Variants in LRRC36 observed in about 807,000 individuals in gnomAD.
LRRC36 encodes leucine rich repeat containing 36, also known as leucine-rich repeat-containing protein 36.
In LRRC36, 62 loss-of-function variants were observed where a neutral mutation model predicts 81.1. The ratio of observed to expected loss-of-function variants is 0.76; its 90% CI spans 0.62 to 0.94. The LOEUF is 0.94. LRRC36 is among the 40% of genes least tolerant of loss of function. LRRC36 has a pLI of 0.00. For synonymous variants in LRRC36, 334 were observed against 348.6 expected, an observed-to-expected ratio of 0.96 and a Z score of 0.47; for missense variants, 761 against 881.7, an observed-to-expected ratio of 0.86 and a Z score of 1.73.
intron 8 of LRRC36, among the ~76,000 whole-genome samples, chr16:67,369,535 G>A (rs1166192096): frequency 2.0e-5 from 3 of 152,180 alleles, no homozygotes; most frequent in Non-Finnish European, 4.4e-5. Context: ...TGGAAGCAAG[G>A]CAGTAAAGTT....
intron 8 of LRRC36, among the ~76,000 whole-genome samples, chr16:67,369,306 AAAGCC>A (rs1671602733): frequency 1.3e-5 from 2 of 152,208 alleles, no homozygotes; most frequent in South Asian, 4.1e-4. Context: ...TAGAGGGGAA[AAAGCC>A]AAGAGGAAGT....
At chr16:67,332,425 G>A (rs1211573079) in intron 1 of LRRC36, among the ~76,000 whole-genome samples, 4 of 151,894 alleles carry the variant, frequency 2.6e-5, no homozygotes, top group Non-Finnish European at 5.9e-5. Context: ...ATGGTGGTGG[G>A]CGCCTGTAGT....
rs1477423527 is a variant in LRRC36, at chr16:67,368,020, C to G, written c.1195+563C>G. Among the ~76,000 whole-genome samples the G allele has an allele frequency of 2.6e-5, 4 of 152,182 alleles. No homozygotes were observed. In the South Asian group the frequency reaches 6.2e-4, roughly 24 times the overall value. On this transcript the variant is annotated intron_variant, in intron 8 of 13. Coordinates refer to ENST00000329956, the MANE Select transcript of LRRC36 (RefSeq NM_018296.6). The stretch of plus-strand genomic sequence containing the variant: ...GTTGCAGTAAGCCAAGATCGGGCCA[C>G]TGCACTCCATGGGCAACAGAGCAAG...
chr16:67,344,645 C>A (rs1389411832), intron 2 of LRRC36, among the ~76,000 whole-genome samples: 4 of 152,090 alleles, frequency 2.6e-5, no homozygotes, highest in African/African-American at 7.2e-5. Flanking sequence ...CCATGAAAGA[C>A]AGTCCTAATG....
chr16:67,351,401 T>C (rs908797157), intron 5 of LRRC36, among the ~76,000 whole-genome samples: 1 of 152,074 alleles, frequency 6.6e-6, no homozygotes, highest in African/African-American at 2.4e-5. Flanking sequence ...ATTTTTAGAG[T>C]ATTTTGTGAT....
intron 2 of LRRC36, among the ~76,000 whole-genome samples, chr16:67,342,559 G>A (rs1480277354): frequency 6.6e-6 from 1 of 152,146 alleles, no homozygotes; most frequent in East Asian, 1.9e-4. Context: ...GTGGTCTTGG[G>A]AAAATTTAAG....
At chr16:67,350,527 A>G (rs943985820) in intron 5 of LRRC36, among the ~76,000 whole-genome samples, 1 of 152,180 alleles carries the variant, frequency 6.6e-6, no homozygotes, top group Non-Finnish European at 1.5e-5. Context: ...TTTCATTTAC[A>G]TCACTTTACA....
intron 8 of LRRC36, 76 bp downstream of exon 8, chr16:67,367,533 T>C: frequency 7.6e-7 from 1 of 1,322,532 alleles, no homozygotes; most frequent in Non-Finnish European, 1.0e-6. Context: ...ATTTTGGAAT[T>C]AACCCTTCTG....
chr16:67,361,044 C>G (rs951013309), intron 5 of LRRC36, among the ~76,000 whole-genome samples: 12 of 152,152 alleles, frequency 7.9e-5, no homozygotes, highest in Non-Finnish European at 1.6e-4. Flanking sequence ...TAGAATCGTT[C>G]TCTCTTTCTT....
At chr16:67,345,470 C>T (rs923241978) in intron 2 of LRRC36, among the ~76,000 whole-genome samples, 3 of 152,122 alleles carry the variant, frequency 2.0e-5, no homozygotes, top group Admixed American at 6.6e-5. Context: ...TGTGGCTTTT[C>T]CTCTTGAGTT....
intron 1 of LRRC36, among the ~76,000 whole-genome samples, chr16:67,336,072 A>G (rs1401141410): frequency 6.6e-6 from 1 of 152,180 alleles, no homozygotes; most frequent in African/African-American, 2.4e-5. Context: ...TCAGAATGTC[A>G]TATAGTTGGA....
chr16:67,337,487 A>G (rs1040279081), intron 1 of LRRC36, among the ~76,000 whole-genome samples: 1 of 150,606 alleles, frequency 6.6e-6, no homozygotes, highest in African/African-American at 2.4e-5. Context: ...CCTTCTGAGT[A>G]GCTGGGATTA....
chr16:67,384,874 C>G lies in LRRC36; in HGVS notation c.2050C>G (p.Leu684Val). 1.2e-6 allele frequency: 2 copies of G among 1,613,608 alleles called. No individual in the cohort carries two copies. Among genetic ancestry groups the G allele is most frequent in the Non-Finnish European group, 1.7e-6 (2 of 1,179,584 alleles). The change falls in exon 14 of 14, where the codon CTG (leucine) becomes GTG (valine). Residue 684 changes from leucine to valine, a missense_variant. Leu to Val is a conservative substitution (Grantham distance 32). This residue lies in a region of LRRC36 where 359 missense variants were observed against 388.4 expected (regional missense o/e 0.92). Transcript: ENST00000329956. ...CCTTTTTCCCTTGGGCCTCAGATCC[C>G]TGGTGGTAACTAATGAGTATCTGCT... ...VAILHESQRS[L>V]VVTNEYLLQQ...
At chr16:67,364,763 G>A (rs1445426204) in intron 6 of LRRC36, among the ~76,000 whole-genome samples, 7 of 152,168 alleles carry the variant, frequency 4.6e-5, no homozygotes, top group African/African-American at 1.2e-4. Flanking sequence ...ATAGTTTGCT[G>A]TATCTTTTTA....
rs554829985 is a variant in LRRC36, at chr16:67,341,026, C to T, written c.71-931C>T. On this transcript the variant is annotated intron_variant, in intron 1 of 13. Coordinates refer to ENST00000329956, the MANE Select transcript of LRRC36 (RefSeq NM_018296.6). Reference sequence around the variant, plus strand: ...GAATATGTATTCTATAGAATATGTACTCTACATATTCTATAGAATATGTAC... The same window carrying T: ...GAATATGTATTCTATAGAATATGTATTCTACATATTCTATAGAATATGTAC... 7.5e-4 allele frequency among the ~76,000 whole-genome samples: 84 copies of T among 111,276 alleles called. 1 individual carries two copies. The South Asian group carries it at 0.014, about 19-fold the overall frequency. The allele number at this position is 111,276 out of a possible 152,430, so 73.0% of individuals were successfully genotyped here.
Position 67,341,019 on chromosome 16 carries a change from ATATGTACTCTACATATTC to A in LRRC36, c.71-934_71-917del, listed in dbSNP as rs1266629788. 1.8e-3 allele frequency among the ~76,000 whole-genome samples: 215 copies of A among 117,126 alleles called. 55 individuals carry two copies. The highest frequency in any genetic ancestry group is 7.0e-3 in the African/African-American group (201 of 28,832). 76.8% of individuals were successfully genotyped at this position (117,126 alleles called of 152,430 possible). ...ATATATAGAATATGTATTCTATAGA[ATATGTACTCTACATATTC>A]TATAGAATATGTACTCTACATATTC... On this transcript the variant is annotated intron_variant, in intron 1 of 13. Coordinates refer to ENST00000329956, the MANE Select transcript of LRRC36 (RefSeq NM_018296.6).
At chr16:67,341,344 G>T (rs1196403186) in intron 1 of LRRC36, among the ~76,000 whole-genome samples, 1 of 146,726 alleles carries the variant, frequency 6.8e-6, no homozygotes, top group African/African-American at 2.5e-5. Context: ...TATATGTTTT[G>T]TACATATGCA....
chr16:67,333,989 T>C (rs993268132), intron 1 of LRRC36, among the ~76,000 whole-genome samples: 13 of 152,126 alleles, frequency 8.5e-5, no homozygotes, highest in African/African-American at 3.1e-4. Context: ...AGTTCTATGG[T>C]TTTTGACAAT....
intron 9 of LRRC36, chr16:67,371,507 T>G: frequency 2.0e-6 from 1 of 488,830 alleles, no homozygotes; most frequent in African/African-American, 1.9e-5. Flanking sequence ...TTGAACTCTG[T>G]AGCATCTATG....
Sources: gnomAD v4.1 joint callset for allele counts (sites outside exome capture counted in the v4.1 genomes callset) on GRCh38, gnomAD v4.1.1 for gene constraint, gnomAD v4.1.1 regional missense constraint, MANE v1.5 for transcripts, NCBI Gene and HGNC (gene_info 2026-07-23, HGNC 2026-07-21) for gene names.